Variants in CSMD1 observed in about 807,000 individuals in gnomAD.
CSMD1 encodes the protein CUB and Sushi multiple domains 1.
In CSMD1, 213 loss-of-function variants were observed where a neutral mutation model predicts 417.5. The observed-to-expected ratio is 0.51, with a 90% CI of 0.46 to 0.57. The LOEUF (loss-of-function observed/expected upper bound fraction) is 0.57. CSMD1 is among the 20% of genes least tolerant of loss of function. The pLI is 0.00. For synonymous variants in CSMD1, 2,862 were observed against 1,736.8 expected (o/e 1.65, Z -16.11); for missense variants, 6,923 against 4,529.7 (o/e 1.53, Z -15.17).
chr8:3,464,678 A>G (rs1563064522), intron 12 of CSMD1, among the ~76,000 whole-genome samples: 1 of 151,358 alleles, frequency 6.6e-6, no homozygotes, highest in Non-Finnish European at 1.5e-5. Flanking sequence ...TATATGTAAA[A>G]TTTGTTTTAA....
At chr8:3,761,729 C>A (rs979823266) in intron 5 of CSMD1, among the ~76,000 whole-genome samples, 5 of 152,062 alleles carry the variant, frequency 3.3e-5, no homozygotes, top group African/African-American at 4.8e-5. Flanking sequence ...TGGTCTCGAA[C>A]TTCTGATCTC....
intron 3 of CSMD1, among the ~76,000 whole-genome samples, chr8:4,419,593 A>AT (rs1201844461): frequency 6.6e-6 from 1 of 152,216 alleles, no homozygotes; most frequent in Admixed American, 6.6e-5. Flanking sequence ...TATCAGTATA[A>AT]TTGTCCAACC....
chr8:4,078,388 C>T (rs1391080614), intron 3 of CSMD1, among the ~76,000 whole-genome samples: 1 of 146,316 alleles, frequency 6.8e-6, no homozygotes, highest in Non-Finnish European at 1.5e-5. Context: ...GATCTCGACT[C>T]ACTGCAAGCT....
At chr8:4,249,498 G>C (rs376900897) in intron 3 of CSMD1, among the ~76,000 whole-genome samples, 62 of 152,198 alleles carry the variant, frequency 4.1e-4, no homozygotes, top group Non-Finnish European at 3.1e-4. Flanking sequence ...ATTTAATGCG[G>C]AAGGATGTAG....
At chr8:3,386,586 G>C (rs998650448) in intron 18 of CSMD1, among the ~76,000 whole-genome samples, 1 of 152,188 alleles carries the variant, frequency 6.6e-6, no homozygotes, top group African/African-American at 2.4e-5. Context: ...TTTTAAAGAA[G>C]TCAAGGTGTT....
rs79462092 is a variant in CSMD1 at position 3,699,216 on chromosome 8, G to A, written c.1009+9198C>T. Among the ~76,000 whole-genome samples the A allele has an allele frequency of 2.5e-3, 385 of 152,334 alleles. 9 individuals are homozygous for A. The East Asian group carries it at 0.062, about 24-fold the overall frequency. ...TTTCTGACTGACTAGAGCACACAAT[G>A]TAGACTGACAATTAGTTTTTATTAC... On this transcript the variant is annotated intron_variant, in intron 7 of 69. Coordinates refer to ENST00000635120, the MANE Select transcript of CSMD1 (RefSeq NM_033225.6).
chr8:2,974,352 G>T, intron 56 of CSMD1, 99 bp downstream of exon 56: 1 of 1,144,226 alleles, frequency 8.7e-7, no homozygotes, highest in Non-Finnish European at 1.2e-6. Context: ...CATAATTATA[G>T]GGCTTTTCAA....
intron 29 of CSMD1, among the ~76,000 whole-genome samples, chr8:3,218,445 C>T (rs748256221): frequency 6.6e-6 from 1 of 151,646 alleles, no homozygotes; most frequent in Non-Finnish European, 1.5e-5. Context: ...CCTGTAGTCC[C>T]AGCTACTCGG....
At chr8:4,799,416 G>T (rs73179681) in intron 1 of CSMD1, among the ~76,000 whole-genome samples, 2 of 151,386 alleles carry the variant, frequency 1.3e-5, no homozygotes, top group African/African-American at 4.9e-5. Context: ...GGCCACCATG[G>T]CAAAACCCCC....
chr8:3,286,198 T>A (rs118170118), intron 25 of CSMD1, among the ~76,000 whole-genome samples: 2,924 of 152,316 alleles, frequency 0.019, 40 homozygotes, highest in East Asian at 0.03. Context: ...GGCGTATATG[T>A]GCTACAATTT....
intron 49 of CSMD1, among the ~76,000 whole-genome samples, chr8:3,066,325 G>C (rs1812934610): frequency 6.6e-6 from 1 of 152,152 alleles, no homozygotes; most frequent in Admixed American, 6.6e-5. Flanking sequence ...CATAGTTTTA[G>C]CTCTATTTGA....
chr8:3,648,834 G>A (rs566387942), intron 7 of CSMD1, among the ~76,000 whole-genome samples: 28 of 152,088 alleles, frequency 1.8e-4, no homozygotes, highest in Non-Finnish European at 3.2e-4. Flanking sequence ...TCTCTTTACT[G>A]TCTTATGTTA....
intron 51 of CSMD1, among the ~76,000 whole-genome samples, chr8:3,018,882 T>C (rs1809106022): frequency 6.6e-6 from 1 of 152,168 alleles, no homozygotes; most frequent in Non-Finnish European, 1.5e-5. Context: ...TTAACGTGGA[T>C]TCCAAAACAT....
chr8:3,700,450 C>T (rs1180224236), intron 7 of CSMD1: 1 of 151,968 alleles, frequency 6.6e-6, no homozygotes, highest in Non-Finnish European at 1.5e-5. Context: ...AACACAAAAA[C>T]AGAGCAAGTA....
chr8:3,312,432 G>T (rs1270401078), intron 23 of CSMD1, among the ~76,000 whole-genome samples: 2 of 152,140 alleles, frequency 1.3e-5, no homozygotes, highest in African/African-American at 4.8e-5. Context: ...AGGCTTGTGT[G>T]ATGTCTTTTT....
At chr8:4,839,416 T>G (rs576744047) in intron 1 of CSMD1, among the ~76,000 whole-genome samples, 49 of 152,330 alleles carry the variant, frequency 3.2e-4, no homozygotes, top group Non-Finnish European at 6.2e-4. Context: ...TTACACATTC[T>G]ACTTTGTATT....
At chr8:4,113,390 CTTTTTTTTTTTTTTT>C (rs59647790) in intron 3 of CSMD1, among the ~76,000 whole-genome samples, 4 of 81,202 alleles carry the variant, frequency 4.9e-5, no homozygotes, top group African/African-American at 1.0e-4. Flanking sequence ...AATAAAAGGG[CTTTTTTTTTTTTTTT>C]TTTTTTTTTT....
intron 5 of CSMD1, among the ~76,000 whole-genome samples, chr8:3,943,715 TC>T (rs1260371498): frequency 6.6e-6 from 1 of 152,068 alleles, no homozygotes; most frequent in Non-Finnish European, 1.5e-5. Context: ...TCTGGACATT[TC>T]TGCCAAAAAA....
chr8:3,299,063 A>C (rs969826692), intron 25 of CSMD1, among the ~76,000 whole-genome samples: 1 of 152,202 alleles, frequency 6.6e-6, no homozygotes, highest in African/African-American at 2.4e-5. Context: ...AACAAAACTT[A>C]AATGTAGGTA....
Sources: allele counts gnomAD v4.1 joint callset (sites outside exome capture counted in the v4.1 genomes callset), GRCh38; gene constraint gnomAD v4.1.1; transcripts MANE v1.5; gene names NCBI Gene and HGNC (gene_info 2026-07-23, HGNC 2026-07-21).